C2orf15: variants seen among roughly 807,000 people sequenced by gnomAD.
C2orf15 encodes the protein uncharacterized protein C2orf15.
C2orf15 carries 3 observed loss-of-function variants against 4.4 expected under a neutral mutation model. That is an observed-to-expected ratio of 0.67 (90% CI 0.31 to 1.74). The LOEUF (loss-of-function observed/expected upper bound fraction) is 1.74. C2orf15 is among the 40% of genes most tolerant of loss of function. The pLI is 0.09. For missense variants in C2orf15, 90 were observed against 103.3 expected (o/e 0.87, Z 0.56); for synonymous variants, 37 against 36.8 (o/e 1.00, Z -0.02).
intron 3 of C2orf15, among the ~76,000 whole-genome samples, chr2:99,149,169 C>CAAA (rs35343264): frequency 2.4e-5 from 3 of 123,252 alleles, no homozygotes; most frequent in African/African-American, 3.3e-5. Context: ...AACTCCATCT[C>CAAA]AAAAAAAAAA....
At chr2:99,146,651 C>T (rs1160604303) in intron 2 of C2orf15, among the ~76,000 whole-genome samples, 4 of 152,044 alleles carry the variant, frequency 2.6e-5, no homozygotes, top group East Asian at 1.9e-4. Context: ...CTTTTTGAGA[C>T]GGAGTCTTGC....
intron 3 of C2orf15, among the ~76,000 whole-genome samples, chr2:99,147,901 T>A (rs1205687719): frequency 1.3e-5 from 2 of 152,226 alleles, no homozygotes; most frequent in Non-Finnish European, 2.9e-5. Context: ...GACATTGACT[T>A]ATATAACCAC....
chr2:99,144,260 A>T (rs558613200), intron 2 of C2orf15, among the ~76,000 whole-genome samples: 31 of 151,942 alleles, frequency 2.0e-4, no homozygotes, highest in Admixed American at 1.4e-3. Flanking sequence ...TGACCTCATG[A>T]CCTGCCCGCC....
chr2:99,144,273 G>A (rs577934284), intron 2 of C2orf15, among the ~76,000 whole-genome samples: 25 of 151,638 alleles, frequency 1.6e-4, no homozygotes, highest in African/African-American at 5.3e-4. Flanking sequence ...TGCCCGCCTC[G>A]GCCTCCCAAA....
Position 99,150,490 on chromosome 2 carries a change from G to A in C2orf15, c.-69G>A. 7.0e-7 allele frequency: 1 copy of A among 1,429,808 alleles called. No homozygotes were observed. The highest frequency in any genetic ancestry group is 9.4e-7 in the Non-Finnish European group (1 of 1,059,706). The allele number at this position is 1,429,808 out of a possible 1,614,324, so 88.6% of individuals were successfully genotyped here. A position where few individuals can be genotyped will look rare whatever the true frequency, so the allele number is the denominator to read the frequency against. ...TTTTTTTTTTTTTTTCAGTAATCAA[G>A]TTGAAGAAACACTTCCACTACTTAA... On this transcript the variant is annotated 5_prime_UTR_variant, in exon 4 of 4. Transcript: ENST00000650052.
intron 2 of C2orf15, among the ~76,000 whole-genome samples, chr2:99,145,282 G>A (rs2093620394): frequency 1.3e-5 from 2 of 152,160 alleles, no homozygotes; most frequent in Admixed American, 6.5e-5. Flanking sequence ...TGTGTGGCAG[G>A]TGCGGTGACT....
chr2:99,150,045 G>A (rs1219271858), intron 3 of C2orf15, among the ~76,000 whole-genome samples: 1 of 151,944 alleles, frequency 6.6e-6, no homozygotes, highest in Non-Finnish European at 1.5e-5. Context: ...CACCCGCCTC[G>A]GCCCCCAAAG....
At chr2:99,146,369 T>C (rs1050493006) in intron 2 of C2orf15, among the ~76,000 whole-genome samples, 4 of 152,248 alleles carry the variant, frequency 2.6e-5, no homozygotes, top group Non-Finnish European at 5.9e-5. Context: ...GTTCTCTTTT[T>C]ATTCCAGCCA....
chr2:99,142,223 CCTT>C (rs1360007351), intron 1 of C2orf15, 59 bp from the exon 2 acceptor site: 1 of 152,160 alleles, frequency 6.6e-6, no homozygotes, highest in Non-Finnish European at 1.5e-5. Context: ...CTACCATGTC[CCTT>C]CTTAAATAAC....
chr2:99,150,616 A>G lies in C2orf15; in HGVS notation c.58A>G (p.Lys20Glu), dbSNP rs775189108. ...GGTATCTGCTATACATATGGATTCAAAAGTGGATGATCACTTAATACGAGG... is the reference window on the plus strand; with the variant it reads ...GGTATCTGCTATACATATGGATTCAGAAGTGGATGATCACTTAATACGAGG... ...TQVSAIHMDS[K>E]VDDHLIRGTE... The change falls in exon 4 of 4, where the codon AAA (lysine) becomes GAA (glutamate). Residue 20 changes from lysine to glutamate, a missense_variant. Physicochemically the swap from Lys to Glu is moderately conservative, Grantham distance 56. Transcript: ENST00000650052. 2.5e-6 allele frequency: 4 copies of G among 1,614,106 alleles called. No individual in the cohort carries two copies. The African/African-American group carries it at 4.0e-5, about 16-fold the overall frequency.
intron 3 of C2orf15, 31 bp from the exon 4 acceptor site, chr2:99,150,452 A>C (rs1233717293): frequency 3.2e-6 from 4 of 1,259,472 alleles, no homozygotes; most frequent in Non-Finnish European, 4.4e-6. Context: ...TTCCTGCTGC[A>C]TTCACTTGTT....
At chr2:99,142,644 A>G (rs1403250906) in intron 2 of C2orf15, among the ~76,000 whole-genome samples, 1 of 152,240 alleles carries the variant, frequency 6.6e-6, no homozygotes. Flanking sequence ...AAGAGGTTAG[A>G]GGACACAAGG....
intron 2 of C2orf15, among the ~76,000 whole-genome samples, chr2:99,142,903 A>G (rs918467458): frequency 6.6e-6 from 1 of 152,198 alleles, no homozygotes; most frequent in East Asian, 1.9e-4. Flanking sequence ...CCTTATAGAA[A>G]GAATAAGAAA....
In C2orf15 at chr2:99,150,518, A is replaced by G. The variant is rs780038348; in HGVS notation, c.-41A>G. 9 of 1,592,296 alleles carry G rather than the reference A, an allele frequency of 5.7e-6. No homozygotes were observed. In the African/African-American group the frequency reaches 1.2e-4, roughly 22 times the overall value. ...GAAGAAACACTTCCACTACTTAAAA[A>G]GGTACCTGCAAATTACTTTCACATT... On this transcript the variant is annotated 5_prime_UTR_variant, in exon 4 of 4. Transcript: ENST00000650052.
intron 2 of C2orf15, chr2:99,147,077 A>G (rs995331331): frequency 5.8e-6 from 1 of 173,480 alleles, no homozygotes; most frequent in African/African-American, 2.4e-5. Context: ...TCCAAGTTAC[A>G]GCTCTGTCAT....
intron 2 of C2orf15, among the ~76,000 whole-genome samples, chr2:99,144,267 C>G (rs1461066688): frequency 6.6e-6 from 1 of 151,920 alleles, no homozygotes; most frequent in South Asian, 2.1e-4. Flanking sequence ...ATGACCTGCC[C>G]GCCTCGGCCT....
In C2orf15 at chr2:99,147,464, C is replaced by A. The variant is rs1035424568; in HGVS notation, c.-106C>A. Reference sequence around the variant, plus strand: ...GAGGCCCCCAATAGACTTGTTCACCCTTCATGTCCTCAACTCTGGGGAAGT... The same window carrying A: ...GAGGCCCCCAATAGACTTGTTCACCATTCATGTCCTCAACTCTGGGGAAGT... On this transcript the variant is annotated 5_prime_UTR_variant, in exon 3 of 4. Coordinates refer to ENST00000650052, the MANE Select transcript of C2orf15 (RefSeq NM_144706.4). 4 of 1,613,790 alleles carry A rather than the reference C, an allele frequency of 2.5e-6. No homozygotes were observed. The African/African-American group carries it at 4.0e-5, about 16-fold the overall frequency.
chr2:99,147,217 T>C (rs763066516), intron 2 of C2orf15, 185 bp from the exon 3 acceptor site: 3 of 439,418 alleles, frequency 6.8e-6, no homozygotes, highest in Non-Finnish European at 1.2e-5. Context: ...CCCAGGCTGG[T>C]CTCAAACTGC....
At chr2:99,145,548 ACT>A (rs915144966) in intron 2 of C2orf15, among the ~76,000 whole-genome samples, 5 of 138,054 alleles carry the variant, frequency 3.6e-5, no homozygotes, top group African/African-American at 1.1e-4. Flanking sequence ...ACAGAGTGAG[ACT>A]CTGTCCCAAA....
Sources: gnomAD v4.1 joint callset for allele counts (sites outside exome capture counted in the v4.1 genomes callset) on GRCh38, gnomAD v4.1.1 for gene constraint, MANE v1.5 for transcripts, NCBI Gene and HGNC (gene_info 2026-07-23, HGNC 2026-07-21) for gene names.